The following TJP1 variants were observed in gnomAD, a reference collection of about 807,000 sequenced individuals.
TJP1 encodes the protein tight junction protein ZO-1.
A neutral mutation model predicts 194.2 loss-of-function variants in TJP1; 43 were observed. That is an observed-to-expected ratio of 0.22 (90% CI 0.17 to 0.29). The LOEUF (loss-of-function observed/expected upper bound fraction) is 0.29, where lower values mean the gene tolerates loss of function less well. Among genes scored for constraint, TJP1 ranks in the 10% least tolerant of loss-of-function variants. TJP1 has a pLI of 1.00. For synonymous variants in TJP1, 801 were observed against 779.0 expected, an observed-to-expected ratio of 1.03 and a Z score of -0.47; for missense variants, 1,971 against 2,185.7, an observed-to-expected ratio of 0.90 and a Z score of 1.96.
intron 2 of TJP1, among the ~76,000 whole-genome samples, chr15:29,882,674 G>A (rs1387117776): frequency 1.3e-5 from 2 of 152,198 alleles, no homozygotes; most frequent in East Asian, 1.9e-4. Context: ...GTGTCGGACC[G>A]AAAGGTCCTT....
chr15:29,925,586 C>G (rs1320254969), intron 2 of TJP1, among the ~76,000 whole-genome samples: 4 of 152,190 alleles, frequency 2.6e-5, no homozygotes, highest in African/African-American at 9.6e-5. Context: ...GGACATTATT[C>G]TTAGAAATAC....
chr15:29,702,706 G>A (rs577075623), intron 27 of TJP1, among the ~76,000 whole-genome samples: 33 of 152,304 alleles, frequency 2.2e-4, no homozygotes, highest in Middle Eastern at 6.8e-3. Flanking sequence ...GCAATATCTG[G>A]AGCCAAAAGC....
At chr15:29,736,317 G>A (rs2044031737) in intron 11 of TJP1, among the ~76,000 whole-genome samples, 1 of 152,178 alleles carries the variant, frequency 6.6e-6, no homozygotes, top group Non-Finnish European at 1.5e-5. Flanking sequence ...AAATAAGACA[G>A]TGGAAGATAG....
chr15:29,841,544 TCTAA>T (rs1265717782), intron 2 of TJP1, among the ~76,000 whole-genome samples: 1 of 152,230 alleles, frequency 6.6e-6, no homozygotes, highest in Admixed American at 6.5e-5. Flanking sequence ...TTGTGATGAT[TCTAA>T]CTTTCTCTGC....
At chr15:29,765,432 C>G (rs374979584) in intron 5 of TJP1, among the ~76,000 whole-genome samples, 88 of 152,226 alleles carry the variant, frequency 5.8e-4, no homozygotes, top group Non-Finnish European at 9.3e-4. Context: ...AAGGAGCAAG[C>G]CACAGTCAGA....
At chr15:29,707,756 ACAGT>A (rs2041988832) in intron 25 of TJP1, among the ~76,000 whole-genome samples, 1 of 152,214 alleles carries the variant, frequency 6.6e-6, no homozygotes, top group Non-Finnish European at 1.5e-5. Flanking sequence ...TGCTCTTTAA[ACAGT>A]CAGAGGTTAT....
intron 23 of TJP1, among the ~76,000 whole-genome samples, chr15:29,716,125 T>C (rs2042547733): frequency 6.6e-6 from 1 of 152,142 alleles, no homozygotes; most frequent in East Asian, 1.9e-4. Context: ...GTCAAGAAAC[T>C]TGGGGTTCAG....
intron 2 of TJP1, among the ~76,000 whole-genome samples, chr15:29,870,583 A>C (rs1346137767): frequency 6.6e-6 from 1 of 152,230 alleles, no homozygotes; most frequent in Non-Finnish European, 1.5e-5. Context: ...ATTCTCTGGA[A>C]TGAACACAGA....
rs1179454572 is a variant in TJP1 at position 29,718,468 on chromosome 15, G to A, written c.3674C>T (p.Pro1225Leu). The change falls in exon 21 of 28, where the codon CCG becomes CTG. Residue 1225 changes from proline (P) to leucine (L), a missense_variant. Pro to Leu is a moderately conservative substitution (Grantham distance 98). This residue lies in a region of TJP1 where 1,108 missense variants were observed against 1,128.5 expected (regional missense o/e 0.98). Transcript: ENST00000614355. ...EPLHGAAAVPPLIPSSQHKPE... is the reference protein window; with the variant it reads ...EPLHGAAAVPLLIPSSQHKPE... Reference sequence around the variant, plus strand: ...CTTATGCTGAGATGAAGGTATCAGCGGAGGGACAGCTGCAGCACCATGGAG... The same window carrying A: ...CTTATGCTGAGATGAAGGTATCAGCAGAGGGACAGCTGCAGCACCATGGAG... The A allele has an allele frequency of 8.7e-6, 14 of 1,614,036 alleles. 1 individual carries two copies. The highest frequency in any genetic ancestry group is 5.5e-5 in the South Asian group (5 of 91,082).
intron 2 of TJP1, among the ~76,000 whole-genome samples, chr15:29,872,274 A>T (rs534267249): frequency 1.3e-5 from 2 of 152,338 alleles, no homozygotes; most frequent in South Asian, 4.1e-4. Flanking sequence ...GTGCTAGATT[A>T]TGTGGCAACC....
intron 2 of TJP1, among the ~76,000 whole-genome samples, chr15:29,951,215 T>C (rs976244364): frequency 2.0e-5 from 3 of 152,100 alleles, no homozygotes; most frequent in Non-Finnish European, 4.4e-5. Context: ...TCACCCAGGC[T>C]GGAGTGCAAT....
At chr15:29,959,225 G>A (rs1475600544) in intron 1 of TJP1, among the ~76,000 whole-genome samples, 1 of 151,302 alleles carries the variant, frequency 6.6e-6, no homozygotes, top group Non-Finnish European at 1.5e-5. Flanking sequence ...TCCTGACCTC[G>A]TGATCTGCCC....
intron 12 of TJP1, 34 bp downstream of exon 12, chr15:29,734,240 G>C (rs771565128): frequency 6.8e-7 from 1 of 1,467,168 alleles, no homozygotes; most frequent in Non-Finnish European, 9.4e-7. Context: ...AAACTCTACA[G>C]GTTTATCTCC....
At chr15:29,857,897 G>T (rs985358257) in intron 2 of TJP1, among the ~76,000 whole-genome samples, 7 of 152,124 alleles carry the variant, frequency 4.6e-5, no homozygotes, top group African/African-American at 1.7e-4. Flanking sequence ...GACTAGCTGG[G>T]ATTACAGGCA....
intron 2 of TJP1, among the ~76,000 whole-genome samples, chr15:29,933,922 GCTA>G (rs1466490299): frequency 6.6e-6 from 1 of 152,096 alleles, no homozygotes; most frequent in Non-Finnish European, 1.5e-5. Flanking sequence ...GAAACCTCTG[GCTA>G]GGTAAACTTA....
At chr15:29,778,873 C>T (rs1002672682) in intron 2 of TJP1, among the ~76,000 whole-genome samples, 2 of 152,112 alleles carry the variant, frequency 1.3e-5, no homozygotes, top group African/African-American at 4.8e-5. Flanking sequence ...TGTGCTGGGG[C>T]ACATGTACAC....
At chr15:29,852,225 T>A (rs1368022337) in intron 2 of TJP1, among the ~76,000 whole-genome samples, 1 of 152,118 alleles carries the variant, frequency 6.6e-6, no homozygotes, top group Admixed American at 6.6e-5. Context: ...AAACCACATA[T>A]CTGACAAAGG....
Position 29,700,223 on chromosome 15 carries a change from C to A in TJP1, c.*1372G>T. 1 of 398,840 alleles carries A rather than the reference C, an allele frequency of 2.5e-6. No individual in the cohort carries two copies. Among genetic ancestry groups the A allele is most frequent in the South Asian group, 1.3e-4 (1 of 7,798 alleles). 24.7% of individuals were successfully genotyped at this position (398,840 alleles called of 1,614,324 possible). A position where few individuals can be genotyped will look rare whatever the true frequency, so the allele number is the denominator to read the frequency against. ...TTAATAACGGCAAAAGAAATTCAGT[C>A]ACACCTAATGATTAACAGAATGTAG... On this transcript the variant is annotated 3_prime_UTR_variant, in exon 28 of 28. Transcript: ENST00000614355.
At chr15:29,953,640 A>G (rs1210015196) in intron 2 of TJP1, among the ~76,000 whole-genome samples, 3 of 152,192 alleles carry the variant, frequency 2.0e-5, no homozygotes, top group Non-Finnish European at 2.9e-5. Flanking sequence ...TTTTCTAAAA[A>G]TGAAACATGC....
Sources: allele counts gnomAD v4.1 joint callset (sites outside exome capture counted in the v4.1 genomes callset), GRCh38; gene constraint gnomAD v4.1.1; regional missense constraint gnomAD v4.1.1; transcripts MANE v1.5; gene names NCBI Gene and HGNC (gene_info 2026-07-23, HGNC 2026-07-21).